The following RSRC1 variants were observed in gnomAD, a reference collection of about 807,000 sequenced individuals.
The protein encoded by RSRC1 is arginine and serine rich coiled-coil 1.
Under a neutral mutation model 49.1 loss-of-function variants are expected in RSRC1, and 39 were observed. The ratio of observed to expected loss-of-function variants is 0.79; its 90% confidence interval spans 0.61 to 1.04. The LOEUF (loss-of-function observed/expected upper bound fraction) is 1.04, where lower values mean the gene tolerates loss of function less well. Among genes scored for constraint, RSRC1 ranks in the 50% least tolerant of loss-of-function variants. The pLI is 0.00. For synonymous variants in RSRC1, 143 were observed against 130.8 expected (o/e 1.09, Z -0.63); for missense variants, 388 against 402.4 (o/e 0.96, Z 0.31).
rs367747063 is a variant in RSRC1, at chr3:158,123,947, A to G, written c.276A>G (p.Lys92=). The change falls in exon 3 of 10, where the codon AAA becomes AAG. Residue 92 remains lysine (K), a synonymous_variant. Coordinates refer to ENST00000611884, the MANE Select transcript of RSRC1 (RefSeq NM_001271838.2). ...GAAGTCGTTCAAGGGGTCGAGGGAA[A>G]TCCTATAGAGTTCAGAGGTCTAGGT... ...RSRSRSRGRG[K]SYRVQRSRSK... 56 of 1,612,788 alleles carry G rather than the reference A, an allele frequency of 3.5e-5. 1 individual carries two copies. In the South Asian group the frequency reaches 4.2e-4, roughly 12 times the overall value.
At chr3:158,404,600 GTAAT>G (rs1288118856) in intron 6 of RSRC1, among the ~76,000 whole-genome samples, 2 of 151,778 alleles carry the variant, frequency 1.3e-5, no homozygotes, top group Non-Finnish European at 2.9e-5. Context: ...TAAATTTACT[GTAAT>G]TAGTTTTCAG....
chr3:158,439,782 G>A (rs1423127314), intron 6 of RSRC1, among the ~76,000 whole-genome samples: 1 of 150,044 alleles, frequency 6.7e-6, no homozygotes, highest in Non-Finnish European at 1.5e-5. Context: ...CCTGCACGTT[G>A]TGCACATGTA....
intron 5 of RSRC1, among the ~76,000 whole-genome samples, chr3:158,306,296 A>G (rs890316885): frequency 3.9e-5 from 6 of 152,020 alleles, no homozygotes; most frequent in Non-Finnish European, 8.8e-5. Flanking sequence ...TTTAACATGT[A>G]AAAATACAGT....
chr3:158,515,284 G>A (rs1740449885), intron 7 of RSRC1, among the ~76,000 whole-genome samples: 1 of 150,998 alleles, frequency 6.6e-6, no homozygotes, highest in South Asian at 2.1e-4. Context: ...GCTCTTTTAG[G>A]GCAGGCCTGG....
intron 3 of RSRC1, among the ~76,000 whole-genome samples, chr3:158,190,343 A>G (rs766299828): frequency 5.3e-5 from 8 of 151,366 alleles, no homozygotes; most frequent in Non-Finnish European, 1.2e-4. Context: ...TTCTTTTGGA[A>G]CCTCAACTAG....
At chr3:158,452,829 A>T (rs950081653) in intron 6 of RSRC1, among the ~76,000 whole-genome samples, 4 of 152,194 alleles carry the variant, frequency 2.6e-5, no homozygotes, top group Non-Finnish European at 5.9e-5. Flanking sequence ...ATTTTTAAAT[A>T]CAGGTAATAA....
chr3:158,431,594 A>G (rs552985599), intron 6 of RSRC1, among the ~76,000 whole-genome samples: 24 of 152,046 alleles, frequency 1.6e-4, no homozygotes, highest in Admixed American at 1.0e-3. Context: ...TTTTTTATTT[A>G]ATTGGTCCTA....
At chr3:158,304,677 C>T (rs769846271) in intron 5 of RSRC1, among the ~76,000 whole-genome samples, 6 of 152,054 alleles carry the variant, frequency 3.9e-5, no homozygotes, top group Non-Finnish European at 8.8e-5. Flanking sequence ...TTAAGGATGT[C>T]AGCATAATAG....
At chr3:158,521,319 C>A (rs2108489836) in intron 7 of RSRC1, among the ~76,000 whole-genome samples, 1 of 152,150 alleles carries the variant, frequency 6.6e-6, no homozygotes, top group Middle Eastern at 3.4e-3. Context: ...TTTGTTGTCT[C>A]TTTACTCTCC....
intron 5 of RSRC1, among the ~76,000 whole-genome samples, chr3:158,317,655 C>CTTG (rs1728535755): frequency 6.6e-6 from 1 of 152,136 alleles, no homozygotes; most frequent in South Asian, 2.1e-4. Flanking sequence ...AGCCCCTGGG[C>CTTG]TCAAGCAGTC....
At chr3:158,198,671 G>C (rs864876) in intron 3 of RSRC1, among the ~76,000 whole-genome samples, 99,649 of 151,774 alleles carry the variant, frequency 0.66, 32,945 homozygotes, top group East Asian at 0.84. Context: ...ACCCACTGTC[G>C]TGCACCCACT....
chr3:158,179,498 T>C (rs760736574), intron 3 of RSRC1, among the ~76,000 whole-genome samples: 5 of 152,210 alleles, frequency 3.3e-5, no homozygotes, highest in Non-Finnish European at 7.4e-5. Flanking sequence ...AATTGTATAG[T>C]ATGTAACCTT....
intron 7 of RSRC1, among the ~76,000 whole-genome samples, chr3:158,461,831 T>C (rs1224350799): frequency 6.6e-6 from 1 of 151,760 alleles, no homozygotes; most frequent in Non-Finnish European, 1.5e-5. Flanking sequence ...GTAGTCAAAA[T>C]CTGAAAGTTG....
intron 3 of RSRC1, among the ~76,000 whole-genome samples, chr3:158,139,166 T>C (rs1716578872): frequency 6.6e-6 from 1 of 152,086 alleles, no homozygotes; most frequent in African/African-American, 2.4e-5. Flanking sequence ...TTTGGGAGGC[T>C]CAGGCAGGTG....
At chr3:158,140,423 G>A (rs1268373728) in intron 3 of RSRC1, among the ~76,000 whole-genome samples, 1 of 152,098 alleles carries the variant, frequency 6.6e-6, no homozygotes, top group African/African-American at 2.4e-5. Context: ...CTCTGCTAAT[G>A]GCCACTATTA....
At chr3:158,408,557 TG>T (rs1734269650) in intron 6 of RSRC1, among the ~76,000 whole-genome samples, 1 of 152,214 alleles carries the variant, frequency 6.6e-6, no homozygotes, top group Non-Finnish European at 1.5e-5. Context: ...TTAGAGATTT[TG>T]TTTACGTTTT....
At chr3:158,139,587 G>T (rs563880742) in intron 3 of RSRC1, among the ~76,000 whole-genome samples, 9 of 151,916 alleles carry the variant, frequency 5.9e-5, no homozygotes, top group African/African-American at 2.2e-4. Context: ...TGCATTCACA[G>T]AGACGTGAAA....
intron 7 of RSRC1, among the ~76,000 whole-genome samples, chr3:158,482,860 A>G (rs1738670867): frequency 6.6e-6 from 1 of 152,068 alleles, no homozygotes; most frequent in African/African-American, 2.4e-5. Context: ...CAAATCAGAT[A>G]TGAGATTAGA....
intron 3 of RSRC1, among the ~76,000 whole-genome samples, chr3:158,193,072 C>T (rs1462508919): frequency 6.6e-6 from 1 of 151,992 alleles, no homozygotes; most frequent in Non-Finnish European, 1.5e-5. Context: ...CTTCCTTCTC[C>T]CAAATAACTT....
Sources: allele counts gnomAD v4.1 joint callset (sites outside exome capture counted in the v4.1 genomes callset), GRCh38; gene constraint gnomAD v4.1.1; transcripts MANE v1.5; gene names NCBI Gene and HGNC (gene_info 2026-07-23, HGNC 2026-07-21).